The following ERBB4 variants were observed in gnomAD, a reference collection of about 807,000 sequenced individuals.
ERBB4 encodes receptor tyrosine-protein kinase erbB-4.
Under a neutral mutation model 158.0 loss-of-function variants are expected in ERBB4, and 42 were observed. That is an observed-to-expected ratio of 0.27 (90% CI 0.21 to 0.34). The LOEUF (loss-of-function observed/expected upper bound fraction) is 0.34. ERBB4 is among the 10% of genes least tolerant of loss of function. The pLI is 1.00. For synonymous variants in ERBB4, 583 were observed against 558.7 expected, an observed-to-expected ratio of 1.04 and a Z score of -0.61; for missense variants, 1,333 against 1,624.1, an observed-to-expected ratio of 0.82 and a Z score of 3.08.
chr2:212,326,007 T>C (rs1447374271), intron 1 of ERBB4, among the ~76,000 whole-genome samples: 1 of 150,550 alleles, frequency 6.6e-6, no homozygotes, highest in Non-Finnish European at 1.5e-5. Context: ...AAAGCTCCAA[T>C]AAGCCCTTAA....
chr2:212,105,160 A>G (rs1426041661), intron 2 of ERBB4, among the ~76,000 whole-genome samples: 3 of 152,232 alleles, frequency 2.0e-5, no homozygotes, highest in Non-Finnish European at 4.4e-5. Context: ...AACTTCATGC[A>G]GAAAACCTAA....
At chr2:212,203,458 T>A (rs946198458) in intron 1 of ERBB4, among the ~76,000 whole-genome samples, 1 of 152,114 alleles carries the variant, frequency 6.6e-6, no homozygotes, top group African/African-American at 2.4e-5. Flanking sequence ...AAGGCCCAGG[T>A]CACGTAGAAA....
chr2:212,290,638 T>C (rs957453082), intron 1 of ERBB4, among the ~76,000 whole-genome samples: 7 of 151,982 alleles, frequency 4.6e-5, no homozygotes, highest in African/African-American at 1.7e-4. Context: ...AAGTCACGTA[T>C]CACATACTAT....
intron 1 of ERBB4, among the ~76,000 whole-genome samples, chr2:212,443,396 C>A (rs74558822): frequency 2.2e-4 from 34 of 152,164 alleles, no homozygotes; most frequent in Admixed American, 3.9e-4. Context: ...AGGGACCTTC[C>A]AACTTCGTAA....
At chr2:211,758,469 C>T (rs781462434) in intron 4 of ERBB4, among the ~76,000 whole-genome samples, 1 of 152,170 alleles carries the variant, frequency 6.6e-6, no homozygotes, top group Non-Finnish European at 1.5e-5. Flanking sequence ...AAACCAGGCA[C>T]TTTTAAAGCA....
In ERBB4 at chr2:211,382,044, A is replaced by ATAAAG. The variant is rs1298979419; in HGVS notation, c.*1566_*1570dup. 1 of 229,382 alleles carries ATAAAG rather than the reference A, an allele frequency of 4.4e-6. No individual in the cohort carries two copies. Among genetic ancestry groups the ATAAAG allele is most frequent in the East Asian group, 6.2e-5 (1 of 16,032 alleles). The allele number at this position is 229,382 out of a possible 1,614,324, so 14.2% of individuals were successfully genotyped here. ...GCAGTATATGAAGAAAGGGAATTAT[A>ATAAAG]TAAAGTATCAAAAGATTAGTGTGTT... On this transcript the variant is annotated 3_prime_UTR_variant, in exon 28 of 28. Transcript: ENST00000342788.
intron 9 of ERBB4, among the ~76,000 whole-genome samples, chr2:211,710,644 C>T (rs933524744): frequency 9.2e-5 from 14 of 152,096 alleles, no homozygotes; most frequent in Admixed American, 9.2e-4. Flanking sequence ...ACAATTCCCA[C>T]GTGTTGTGGG....
Position 211,380,168 on chromosome 2 carries a change from T to C in ERBB4, c.*3447A>G, listed in dbSNP as rs555428579. The C allele has an allele frequency of 5.6e-5, 13 of 232,164 alleles. No homozygotes were observed. Among genetic ancestry groups the C allele is most frequent in the African/African-American group, 2.4e-4 (11 of 45,406 alleles). The allele number at this position is 232,164 out of a possible 1,614,324, so 14.4% of individuals were successfully genotyped here. ...GTTGTTTTTCATGCTATTTTAAGAA[T>C]GTTACTGGAGAAAGGATTCTCATCC... is the stretch of plus-strand genomic sequence containing the variant. On this transcript the variant is annotated 3_prime_UTR_variant, in exon 28 of 28. Transcript: ENST00000342788.
chr2:212,143,979 A>C (rs2080575667), intron 1 of ERBB4, among the ~76,000 whole-genome samples: 1 of 151,680 alleles, frequency 6.6e-6, no homozygotes, highest in African/African-American at 2.4e-5. Flanking sequence ...AGATCACACC[A>C]CTGCATTCCG....
intron 14 of ERBB4, among the ~76,000 whole-genome samples, chr2:211,669,216 C>CAAAAAAAAAA (rs71054124): frequency 5.3e-5 from 3 of 56,098 alleles, no homozygotes; most frequent in Admixed American, 2.2e-4. Context: ...GAGTGAGTCT[C>CAAAAAAAAAA]AAAAAAAAAA....
chr2:211,995,829 CT>C (rs1377507760), intron 2 of ERBB4, among the ~76,000 whole-genome samples: 1 of 152,084 alleles, frequency 6.6e-6, no homozygotes, highest in African/African-American at 2.4e-5. Context: ...ATAAGAGATC[CT>C]TTTTATATTG....
chr2:211,914,049 CA>C (rs74891191), intron 3 of ERBB4, among the ~76,000 whole-genome samples: 17,605 of 93,288 alleles, frequency 0.19, 1,013 homozygotes, highest in African/African-American at 0.27. Flanking sequence ...CTTGGAATGA[CA>C]AAAAAAAAAA....
intron 1 of ERBB4, among the ~76,000 whole-genome samples, chr2:212,395,614 C>T (rs2091001358): frequency 2.4e-5 from 2 of 84,736 alleles, no homozygotes; most frequent in East Asian, 3.2e-4. Flanking sequence ...CAGTTACACT[C>T]TTTTTTTTTT....
At chr2:212,470,955 T>C (rs1434019778) in intron 1 of ERBB4, among the ~76,000 whole-genome samples, 1 of 152,052 alleles carries the variant, frequency 6.6e-6, no homozygotes, top group Non-Finnish European at 1.5e-5. Flanking sequence ...CTAATACTCT[T>C]TCCTACAACT....
At chr2:211,952,074 C>T (rs2080888465) in intron 2 of ERBB4, among the ~76,000 whole-genome samples, 1 of 151,926 alleles carries the variant, frequency 6.6e-6, no homozygotes, top group African/African-American at 2.4e-5. Context: ...TGTAGAGGGA[C>T]ACATGGAACT....
chr2:211,509,332 C>T (rs966242050), intron 20 of ERBB4, among the ~76,000 whole-genome samples: 10 of 152,022 alleles, frequency 6.6e-5, no homozygotes, highest in Non-Finnish European at 1.2e-4. Flanking sequence ...GTACATGTAT[C>T]CCAGAACTTA....
chr2:211,620,751 AAG>A (rs2069570225), intron 18 of ERBB4, among the ~76,000 whole-genome samples: 1 of 152,182 alleles, frequency 6.6e-6, no homozygotes, highest in Non-Finnish European at 1.5e-5. Flanking sequence ...TTATTCAATA[AAG>A]TAACCACAGA....
At chr2:211,889,950 G>T (rs1307832946) in intron 3 of ERBB4, among the ~76,000 whole-genome samples, 3 of 116,024 alleles carry the variant, frequency 2.6e-5, no homozygotes, top group African/African-American at 1.1e-4. Flanking sequence ...GAAAGTGATG[G>T]GGAGAATGGA....
chr2:212,064,495 C>G (rs2077879852), intron 2 of ERBB4, among the ~76,000 whole-genome samples: 1 of 152,088 alleles, frequency 6.6e-6, no homozygotes. Context: ...TTTCAAGATC[C>G]TGCTGCAATA....
Sources: gnomAD v4.1 joint callset for allele counts (sites outside exome capture counted in the v4.1 genomes callset) on GRCh38, gnomAD v4.1.1 for gene constraint, MANE v1.5 for transcripts, NCBI Gene and HGNC (gene_info 2026-07-23, HGNC 2026-07-21) for gene names.